Variants in SYN2 observed in about 807,000 individuals in gnomAD.
The protein encoded by SYN2 is synapsin-2.
In SYN2, 19 loss-of-function variants were observed where a neutral mutation model predicts 50.9. The ratio of observed to expected loss-of-function variants is 0.37; its 90% CI spans 0.26 to 0.55. The LOEUF is 0.55. Ranked by LOEUF, SYN2 falls within the 20% of genes least tolerant of loss-of-function variation. The pLI, the probability that SYN2 is intolerant of heterozygous loss-of-function variation, is 0.81. For missense variants in SYN2, 587 were observed against 576.4 expected (o/e 1.02, Z -0.19); for synonymous variants, 255 against 224.9 (o/e 1.13, Z -1.20).
intron 2 of SYN2, 149 bp from the exon 3 acceptor site, chr3:12,141,756 G>A (rs1697024543): frequency 1.6e-6 from 1 of 613,336 alleles, no homozygotes; most frequent in Middle Eastern, 2.6e-4. Flanking sequence ...CTTCATCACA[G>A]TGTTGCTATT....
chr3:12,086,475 CT>C (rs1695704223), intron 1 of SYN2, among the ~76,000 whole-genome samples: 1 of 152,174 alleles, frequency 6.6e-6, no homozygotes, highest in South Asian at 2.1e-4. Context: ...CAACAAAATA[CT>C]AGCAGACCAA....
At chr3:12,109,721 T>G (rs962718724) in intron 1 of SYN2, among the ~76,000 whole-genome samples, 6 of 152,174 alleles carry the variant, frequency 3.9e-5, no homozygotes, top group Non-Finnish European at 7.3e-5. Context: ...TCTTCTGGGT[T>G]TGGGGTAGAT....
At chr3:12,089,086 C>T (rs923920164) in intron 1 of SYN2, among the ~76,000 whole-genome samples, 14 of 152,224 alleles carry the variant, frequency 9.2e-5, no homozygotes, top group African/African-American at 3.4e-4. Context: ...TTTAATCTTT[C>T]TGCAACATAT....
chr3:12,013,869 C>T (rs1305220573), intron 1 of SYN2, among the ~76,000 whole-genome samples: 1 of 152,188 alleles, frequency 6.6e-6, no homozygotes, highest in African/African-American at 2.4e-5. Context: ...ACTTCCTTTT[C>T]CAGCAATACT....
At chr3:12,008,980 T>C (rs1693859007) in intron 1 of SYN2, among the ~76,000 whole-genome samples, 1 of 152,208 alleles carries the variant, frequency 6.6e-6, no homozygotes, top group Admixed American at 6.5e-5. Context: ...TCATCAAGAA[T>C]AGAGGAATTC....
chr3:12,159,063 G>C, intron 5 of SYN2: 1 of 572,276 alleles, frequency 1.7e-6, no homozygotes, highest in South Asian at 3.1e-5. Flanking sequence ...GCAGAGGGAA[G>C]CCTGGAAGGA....
intron 1 of SYN2, among the ~76,000 whole-genome samples, chr3:12,113,632 A>G (rs1330086837): frequency 6.6e-6 from 1 of 152,160 alleles, no homozygotes; most frequent in African/African-American, 2.4e-5. Flanking sequence ...CAACCCTGGT[A>G]ACCACTAATC....
At chr3:12,024,841 C>G (rs1260462905) in intron 1 of SYN2, among the ~76,000 whole-genome samples, 1 of 152,110 alleles carries the variant, frequency 6.6e-6, no homozygotes, top group Admixed American at 6.5e-5. Context: ...TATGTATATT[C>G]AGCTTTTAGT....
chr3:12,179,078 C>G (rs1261785594), intron 10 of SYN2, among the ~76,000 whole-genome samples: 1 of 152,172 alleles, frequency 6.6e-6, no homozygotes, highest in Non-Finnish European at 1.5e-5. Context: ...AGTGGTGGAC[C>G]TACCAACCTG....
intron 10 of SYN2, among the ~76,000 whole-genome samples, chr3:12,173,751 T>C (rs1025958939): frequency 1.3e-5 from 2 of 151,922 alleles, no homozygotes; most frequent in African/African-American, 4.8e-5. Flanking sequence ...CCGTCTCTAC[T>C]AAAAATACAA....
At chr3:12,128,053 C>G (rs1696710244) in intron 1 of SYN2, among the ~76,000 whole-genome samples, 1 of 149,522 alleles carries the variant, frequency 6.7e-6, no homozygotes, top group East Asian at 2.0e-4. Flanking sequence ...TGAAGCGATC[C>G]TCCCACCTCA....
chr3:12,016,895 T>A (rs1694039208), intron 1 of SYN2, among the ~76,000 whole-genome samples: 1 of 152,092 alleles, frequency 6.6e-6, no homozygotes, highest in Non-Finnish European at 1.5e-5. Context: ...ATCATCGATC[T>A]TCAGAGGCCC....
At chr3:12,093,404 G>A (rs1253149956) in intron 1 of SYN2, among the ~76,000 whole-genome samples, 2 of 152,148 alleles carry the variant, frequency 1.3e-5, no homozygotes, top group Non-Finnish European at 2.9e-5. Flanking sequence ...ACTTTGACAA[G>A]TGTGATATTA....
chr3:12,005,233 G>C (rs1171564237), intron 1 of SYN2, among the ~76,000 whole-genome samples: 4 of 152,100 alleles, frequency 2.6e-5, no homozygotes, highest in Non-Finnish European at 4.4e-5. Flanking sequence ...AGTTTTTTTG[G>C]GGGTAGAGGA....
chr3:12,149,719 T>C (rs972226685), intron 4 of SYN2, among the ~76,000 whole-genome samples: 1 of 152,154 alleles, frequency 6.6e-6, no homozygotes, highest in African/African-American at 2.4e-5. Flanking sequence ...CCTAGAGCTC[T>C]AGAGTCACCA....
intron 10 of SYN2, among the ~76,000 whole-genome samples, chr3:12,174,697 G>A (rs1304286943): frequency 2.0e-5 from 3 of 152,096 alleles, no homozygotes; most frequent in Non-Finnish European, 4.4e-5. Flanking sequence ...GGCCAAGATG[G>A]TCTCGATCTC....
At position 12,191,301 on chromosome 3, in the gene SYN2, A is replaced by G. The variant is rs1698439104; in HGVS notation, c.*676A>G. 8 of 448,164 alleles carry G rather than the reference A, an allele frequency of 1.8e-5. No individual in the cohort carries two copies. Among genetic ancestry groups the G allele is most frequent in the African/African-American group, 4.3e-5 (2 of 46,702 alleles). The allele number at this position is 448,164 out of a possible 1,614,324, so 27.8% of individuals were successfully genotyped here. On this transcript the variant is annotated 3_prime_UTR_variant, in exon 13 of 13. Transcript: ENST00000621198. ...TAACCTTGAACTCCAGAGCTGCACT[A>G]TAGAGGAGAATGCATGCCACTATGA... is the stretch of plus-strand genomic sequence containing the variant.
rs554894020 is a variant in SYN2 at position 12,117,369 on chromosome 3, G to A, written c.378-23282G>A. Among the ~76,000 whole-genome samples the A allele has an allele frequency of 5.9e-5, 9 of 152,258 alleles. No individual in the cohort carries two copies. In the South Asian group the frequency reaches 1.0e-3, roughly 18 times the overall value. ...ACGTTTTGAGTGACAACTTTCTTAG[G>A]TACTTGGGATTCAATGTTGAGATAG... On this transcript the variant is annotated intron_variant, in intron 1 of 12. Coordinates refer to ENST00000621198, the MANE Select transcript of SYN2 (RefSeq NM_133625.6).
At chr3:12,083,712 A>G (rs559705140) in intron 1 of SYN2, among the ~76,000 whole-genome samples, 42 of 152,328 alleles carry the variant, frequency 2.8e-4, no homozygotes, top group African/African-American at 1.0e-3. Context: ...GCACTTCATC[A>G]TCTGTTCTAC....
Sources: gnomAD v4.1 joint callset for allele counts (sites outside exome capture counted in the v4.1 genomes callset) on GRCh38, gnomAD v4.1.1 for gene constraint, MANE v1.5 for transcripts, NCBI Gene and HGNC (gene_info 2026-07-23, HGNC 2026-07-21) for gene names.